TMTC3: variants seen among roughly 807,000 people sequenced by gnomAD.
The protein encoded by TMTC3 is protein O-mannosyl-transferase TMTC3.
In TMTC3, 52 loss-of-function variants were observed where a neutral mutation model predicts 92.2. The observed-to-expected ratio is 0.56, with a 90% CI of 0.45 to 0.71. TMTC3 has a LOEUF of 0.71. TMTC3 is among the 30% of genes least tolerant of loss of function. The pLI, the probability that TMTC3 is intolerant of heterozygous loss-of-function variation, is 0.00. For synonymous variants in TMTC3, 339 were observed against 363.3 expected (o/e 0.93, Z 0.76); for missense variants, 896 against 1,057.1 (o/e 0.85, Z 2.11).
intron 4 of TMTC3, among the ~76,000 whole-genome samples, chr12:88,158,770 G>A (rs746237829): frequency 2.6e-5 from 4 of 151,946 alleles, no homozygotes; most frequent in Non-Finnish European, 4.4e-5. Flanking sequence ...CCGAGGTCAC[G>A]GCCGGGCACA....
Position 88,174,592 on chromosome 12 carries a change from T to A in TMTC3, c.1200-15T>A. On this transcript the variant is annotated splice_polypyrimidine_tract_variant and intron_variant, in intron 8 of 13. Transcript: ENST00000266712. ...AAGACAATTTTTTTTGTTTTGCTTT[T>A]TTTCTCTTAAACAGTGTATTTAAAA... 1 of 1,589,312 alleles carries A rather than the reference T, an allele frequency of 6.3e-7. No homozygotes were observed. The highest frequency in any genetic ancestry group is 8.5e-7 in the Non-Finnish European group (1 of 1,172,074).
rs1412319519 is a variant in TMTC3 at position 88,199,583 on chromosome 12, G to GCTAT, written c.*3939_*3942dup. On this transcript the variant is annotated 3_prime_UTR_variant, in exon 14 of 14. Coordinates refer to ENST00000266712, the MANE Select transcript of TMTC3 (RefSeq NM_181783.4). ...ATCTAATAGTAATGCTTGTTCCTTT[G>GCTAT]CTATCTATGCTAACAAGTACATAGA... The GCTAT allele has an allele frequency of 1.3e-5, 2 of 152,088 alleles. No individual in the cohort carries two copies. The highest frequency in any genetic ancestry group is 6.6e-5 in the Admixed American group (1 of 15,254). 9.4% of individuals were successfully genotyped at this position (152,088 alleles called of 1,614,324 possible).
At chr12:88,144,695 G>T (rs931723221) in intron 1 of TMTC3, among the ~76,000 whole-genome samples, 1 of 152,146 alleles carries the variant, frequency 6.6e-6, no homozygotes, top group African/African-American at 2.4e-5. Flanking sequence ...CATTCTAACA[G>T]TATTTTTTAT....
chr12:88,150,903 T>C (rs1203524993), intron 2 of TMTC3, among the ~76,000 whole-genome samples: 1 of 152,110 alleles, frequency 6.6e-6, no homozygotes, highest in Non-Finnish European at 1.5e-5. Context: ...TTAGGGGTCT[T>C]TGGACTCATG....
chr12:88,152,058 A>T (rs1175806754), intron 2 of TMTC3, among the ~76,000 whole-genome samples: 1 of 152,224 alleles, frequency 6.6e-6, no homozygotes, highest in African/African-American at 2.4e-5. Flanking sequence ...ACAGCAAAAT[A>T]TGATAGGAAG....
chr12:88,168,720 T>C (rs2041173562), intron 7 of TMTC3, among the ~76,000 whole-genome samples: 1 of 152,200 alleles, frequency 6.6e-6, no homozygotes, highest in Non-Finnish European at 1.5e-5. Flanking sequence ...ACAAAATCTT[T>C]TCCTAAGATC....
At chr12:88,186,200 A>T (rs1361927507) in intron 10 of TMTC3, among the ~76,000 whole-genome samples, 2 of 152,154 alleles carry the variant, frequency 1.3e-5, no homozygotes, top group African/African-American at 4.8e-5. Flanking sequence ...CCTAGGCAGG[A>T]TGACTGAGAT....
At chr12:88,160,075 G>C (rs1467447552) in intron 4 of TMTC3, 39 bp from the exon 5 acceptor site, 1 of 1,348,546 alleles carries the variant, frequency 7.4e-7, no homozygotes, top group Non-Finnish European at 1.0e-6. Context: ...TTATAAAATT[G>C]TTTTCTGAAT....
chr12:88,189,709 T>C (rs986550710), intron 11 of TMTC3, among the ~76,000 whole-genome samples: 1 of 152,168 alleles, frequency 6.6e-6, no homozygotes, highest in African/African-American at 2.4e-5. Context: ...AAAATATTTC[T>C]GGGTTGTGAC....
In TMTC3 at chr12:88,197,649, C is replaced by T. The variant is rs1166608496; in HGVS notation, c.*2000C>T. 10 of 151,442 alleles carry T rather than the reference C, an allele frequency of 6.6e-5. No homozygotes were observed. Among genetic ancestry groups the T allele is most frequent in the Admixed American group, 5.3e-4 (8 of 15,186 alleles). The allele number at this position is 151,442 out of a possible 1,614,324, so 9.4% of individuals were successfully genotyped here. On this transcript the variant is annotated 3_prime_UTR_variant, in exon 14 of 14. Transcript: ENST00000266712. ...AATGATAAAAATGTATCAATGTTATCCAATGATTTTTATTAAAAAATTACC... is the reference window on the plus strand; with the variant it reads ...AATGATAAAAATGTATCAATGTTATTCAATGATTTTTATTAAAAAATTACC...
chr12:88,168,108 G>T (rs1420666709), intron 7 of TMTC3, among the ~76,000 whole-genome samples: 3 of 152,206 alleles, frequency 2.0e-5, no homozygotes, highest in Non-Finnish European at 4.4e-5. Flanking sequence ...CCTATATTTA[G>T]ATGTTGAAGA....
intron 10 of TMTC3, among the ~76,000 whole-genome samples, chr12:88,186,106 G>A (rs1397457737): frequency 6.6e-6 from 1 of 152,012 alleles, no homozygotes; most frequent in Non-Finnish European, 1.5e-5. Context: ...TCACTGTTGG[G>A]CAGCTAATAT....
chr12:88,173,674 C>A (rs1199049798), intron 8 of TMTC3, among the ~76,000 whole-genome samples: 2 of 152,062 alleles, frequency 1.3e-5, no homozygotes, highest in Non-Finnish European at 2.9e-5. Flanking sequence ...CTGCCATCTA[C>A]CAAACCTGTT....
intron 10 of TMTC3, among the ~76,000 whole-genome samples, chr12:88,187,956 C>A (rs1332828776): frequency 6.6e-6 from 1 of 151,996 alleles, no homozygotes; most frequent in Non-Finnish European, 1.5e-5. Context: ...ACAATGAATC[C>A]TCATCTCTTT....
chr12:88,147,554 C>T (rs1336065617), intron 1 of TMTC3, among the ~76,000 whole-genome samples: 1 of 152,014 alleles, frequency 6.6e-6, no homozygotes, highest in Non-Finnish European at 1.5e-5. Context: ...TGTACCTTTT[C>T]TCCTAGTTTC....
chr12:88,156,049 G>A (rs575052767), intron 4 of TMTC3, among the ~76,000 whole-genome samples: 1 of 152,272 alleles, frequency 6.6e-6, no homozygotes, highest in Non-Finnish European at 1.5e-5. Flanking sequence ...GGCGGAGGTA[G>A]CAGTGAGTCG....
chr12:88,191,338 A>C (rs898672825), intron 12 of TMTC3, among the ~76,000 whole-genome samples: 1 of 152,152 alleles, frequency 6.6e-6, no homozygotes, highest in Non-Finnish European at 1.5e-5. Flanking sequence ...TCATGTATTA[A>C]TTCATAAAGA....
intron 13 of TMTC3, 120 bp downstream of exon 13, chr12:88,192,950 G>C (rs78654827): frequency 0.029 from 20,200 of 704,246 alleles, 352 homozygotes; most frequent in Non-Finnish European, 0.035. Flanking sequence ...TAGCAATACT[G>C]TGCTTAACTG....
chr12:88,161,638 CTCTT>C (rs779411675), intron 6 of TMTC3, among the ~76,000 whole-genome samples: 19 of 151,722 alleles, frequency 1.3e-4, no homozygotes, highest in Non-Finnish European at 2.1e-4. Flanking sequence ...CCTTTTTTCT[CTCTT>C]TCCACCTTCC....
Sources: gnomAD v4.1 joint callset for allele counts (sites outside exome capture counted in the v4.1 genomes callset) on GRCh38, gnomAD v4.1.1 for gene constraint, MANE v1.5 for transcripts, NCBI Gene and HGNC (gene_info 2026-07-23, HGNC 2026-07-21) for gene names.